Variants in CDS1 observed in about 807,000 individuals in gnomAD.
The protein encoded by CDS1 is phosphatidate cytidylyltransferase 1.
In CDS1, 41 loss-of-function variants were observed where a neutral mutation model predicts 62.1. That is an observed-to-expected ratio of 0.66 (90% CI 0.51 to 0.86). The LOEUF (loss-of-function observed/expected upper bound fraction) is 0.86, where lower values mean the gene tolerates loss of function less well. Ranked by LOEUF, CDS1 falls within the 40% of genes least tolerant of loss-of-function variation. The pLI, the probability that CDS1 is intolerant of heterozygous loss-of-function variation, is 0.00. For missense variants in CDS1, 470 were observed against 550.1 expected (o/e 0.85, Z 1.46); for synonymous variants, 185 against 192.6 (o/e 0.96, Z 0.32).
intron 1 of CDS1, among the ~76,000 whole-genome samples, chr4:84,602,914 G>T (rs376210772): frequency 6.6e-6 from 1 of 152,050 alleles, no homozygotes; most frequent in Middle Eastern, 3.2e-3. Flanking sequence ...TTTAGGGTAC[G>T]TTGACACATT....
intron 1 of CDS1, 87 bp from the exon 2 acceptor site, chr4:84,604,156 G>A: frequency 9.2e-7 from 1 of 1,091,210 alleles, no homozygotes. Context: ...ACTGAGATTT[G>A]ACACACTGAG....
chr4:84,635,176 T>A, intron 7 of CDS1, 88 bp from the exon 8 acceptor site: 2 of 675,198 alleles, frequency 3.0e-6, no homozygotes, highest in Non-Finnish European at 5.1e-6. Context: ...TTCTGATGGT[T>A]CATTATGAAT....
In CDS1 at chr4:84,645,339, TGA is replaced by T; in HGVS notation, c.1256+17_1256+18del. 7.0e-7 allele frequency: 1 copy of T among 1,435,536 alleles called. No homozygotes were observed. The highest frequency in any genetic ancestry group is 1.2e-5 in the South Asian group (1 of 85,572). The allele number at this position is 1,435,536 out of a possible 1,614,324, so 88.9% of individuals were successfully genotyped here. On this transcript the variant is annotated intron_variant, in intron 12 of 12. Transcript: ENST00000295887. ...AAGTTTTATAAGGTACTTTTACACT[TGA>T]GACATTTTTTAGATGATTTCTTTGA...
At chr4:84,630,560 A>G (rs1433914834) in intron 5 of CDS1, among the ~76,000 whole-genome samples, 1 of 152,210 alleles carries the variant, frequency 6.6e-6, no homozygotes, top group Non-Finnish European at 1.5e-5. Context: ...CTTGATAAGT[A>G]TAACTTGGAT....
At chr4:84,610,019 A>G (rs1446855696) in intron 3 of CDS1, among the ~76,000 whole-genome samples, 1 of 152,172 alleles carries the variant, frequency 6.6e-6, no homozygotes, top group African/African-American at 2.4e-5. Flanking sequence ...CTCAAAAAAA[A>G]AAAATGACAG....
At chr4:84,593,171 T>A (rs1420330327) in intron 1 of CDS1, among the ~76,000 whole-genome samples, 1 of 152,176 alleles carries the variant, frequency 6.6e-6, no homozygotes. Context: ...TAGAGTTCAA[T>A]GTAGATAGTG....
intron 1 of CDS1, among the ~76,000 whole-genome samples, chr4:84,594,326 A>G (rs980287528): frequency 1.3e-5 from 2 of 152,130 alleles, no homozygotes; most frequent in African/African-American, 4.8e-5. Flanking sequence ...GGGTAAGGGG[A>G]GGAAATGCAT....
chr4:84,648,929 T>G lies in CDS1; in HGVS notation c.*243T>G. 2 of 321,194 alleles carry G rather than the reference T, an allele frequency of 6.2e-6. No individual in the cohort carries two copies. The highest frequency in any genetic ancestry group is 1.1e-5 in the Non-Finnish European group (2 of 177,408). The allele number at this position is 321,194 out of a possible 1,614,324, so 19.9% of individuals were successfully genotyped here. A position where few individuals can be genotyped will look rare whatever the true frequency, so the allele number is the denominator to read the frequency against. On this transcript the variant is annotated 3_prime_UTR_variant, in exon 13 of 13. Coordinates refer to ENST00000295887, the MANE Select transcript of CDS1 (RefSeq NM_001263.4). ...CTAAAGTGTATTTTCTGATGTGAAC[T>G]TCCTTCCCCTTACTTGCTAGGTTTC...
chr4:84,606,387 A>C (rs1330559452), intron 2 of CDS1, among the ~76,000 whole-genome samples: 2 of 151,718 alleles, frequency 1.3e-5, no homozygotes, highest in African/African-American at 4.8e-5. Flanking sequence ...ACTGTTTTCT[A>C]CCTTACTGTT....
chr4:84,588,584 G>T (rs185941517), intron 1 of CDS1, among the ~76,000 whole-genome samples: 1 of 152,108 alleles, frequency 6.6e-6, no homozygotes, highest in Non-Finnish European at 1.5e-5. Context: ...TGTGCAGGGG[G>T]TTAGAGAATG....
chr4:84,601,606 T>C (rs1336705086), intron 1 of CDS1, among the ~76,000 whole-genome samples: 1 of 152,018 alleles, frequency 6.6e-6, no homozygotes, highest in Non-Finnish European at 1.5e-5. Context: ...ATTTTTAGGT[T>C]CTTGTAAACA....
In CDS1 at chr4:84,635,417, C is replaced by A; in HGVS notation, c.810+66C>A. 3.7e-6 allele frequency: 3 copies of A among 808,546 alleles called. No individual in the cohort carries two copies. The South Asian group carries it at 4.3e-5, about 12-fold the overall frequency. 50.1% of individuals were successfully genotyped at this position (808,546 alleles called of 1,614,324 possible). On this transcript the variant is annotated intron_variant, in intron 8 of 12. Transcript: ENST00000295887. ...AAAGATTAGCCACTGGAGAACATTT[C>A]CAACAACTGTGCTGTTGTGCATTTT...
chr4:84,625,357 T>C (rs1003170525), intron 5 of CDS1, among the ~76,000 whole-genome samples: 5 of 152,180 alleles, frequency 3.3e-5, no homozygotes, highest in African/African-American at 1.2e-4. Context: ...GAAGTGATTG[T>C]GTGCTTTCCA....
intron 2 of CDS1, among the ~76,000 whole-genome samples, chr4:84,604,901 A>G (rs7699828): frequency 0.074 from 11,229 of 152,208 alleles, 716 homozygotes; most frequent in African/African-American, 0.17. Context: ...TACAGGCGTG[A>G]AACATGGCAC....
At chr4:84,591,995 A>G (rs1383121368) in intron 1 of CDS1, among the ~76,000 whole-genome samples, 2 of 152,172 alleles carry the variant, frequency 1.3e-5, no homozygotes, top group East Asian at 3.8e-4. Context: ...TTCATCGCTT[A>G]CTTATGATCA....
At chr4:84,644,877 G>T (rs1310257584) in intron 11 of CDS1, among the ~76,000 whole-genome samples, 1 of 152,096 alleles carries the variant, frequency 6.6e-6, no homozygotes, top group African/African-American at 2.4e-5. Context: ...ACAGCTTGTG[G>T]TTAAAAAGAA....
intron 8 of CDS1, among the ~76,000 whole-genome samples, chr4:84,635,647 C>T (rs1724174449): frequency 8.8e-6 from 1 of 113,576 alleles, no homozygotes; most frequent in African/African-American, 3.6e-5. Flanking sequence ...TCCTTCCTTC[C>T]TTCCTTCCTT....
intron 5 of CDS1, among the ~76,000 whole-genome samples, chr4:84,623,248 A>G (rs1723745078): frequency 6.6e-6 from 1 of 152,208 alleles, no homozygotes; most frequent in Non-Finnish European, 1.5e-5. Flanking sequence ...ACTTTGCTGA[A>G]GCATGGCCTG....
At chr4:84,587,807 C>A (rs1352670547) in intron 1 of CDS1, among the ~76,000 whole-genome samples, 1 of 152,154 alleles carries the variant, frequency 6.6e-6, no homozygotes, top group Non-Finnish European at 1.5e-5. Context: ...TATATACCAT[C>A]TTGAGGCAAA....
Sources: gnomAD v4.1 joint callset for allele counts (sites outside exome capture counted in the v4.1 genomes callset) on GRCh38, gnomAD v4.1.1 for gene constraint, MANE v1.5 for transcripts, NCBI Gene and HGNC (gene_info 2026-07-23, HGNC 2026-07-21) for gene names.